OR5B21: variants seen among roughly 807,000 people sequenced by gnomAD.
OR5B21 encodes the protein olfactory receptor 5B21.
For synonymous variants in OR5B21, 151 were observed against 143.3 expected (o/e 1.05, Z -0.38); for missense variants, 372 against 375.7 (o/e 0.99, Z 0.08).
chr11:58,507,860 T>G lies in OR5B21; in HGVS notation c.246A>C (p.Ala82=), dbSNP rs1853072520. The part of the protein sequence containing the change: ...SSAVAPKTVA[A]LRSGDKAISY... ...AGATGGCCTTGTCCCCTGACCGCAATGCAGCCACCGTTTTGGGGGCTACAG... is the reference window on the plus strand; with the variant it reads ...AGATGGCCTTGTCCCCTGACCGCAAGGCAGCCACCGTTTTGGGGGCTACAG... Residue 82 remains alanine, a synonymous_variant, in exon 1 of 1, where the codon GCA becomes GCC. Transcript: ENST00000360374. 3 of 1,614,032 alleles carry G rather than the reference T, an allele frequency of 1.9e-6. No homozygotes were observed. The African/African-American group carries it at 4.0e-5, about 22-fold the overall frequency.
rs759443746 is a variant in OR5B21 at position 58,507,380 on chromosome 11, G to A, written c.726C>T (p.Leu242=). The change falls in exon 1 of 1, where the codon CTC becomes CTT. Residue 242 remains leucine, a synonymous_variant. Coordinates refer to ENST00000360374, the MANE Select transcript of OR5B21 (RefSeq NM_001005218.3). ...KKVFSTCASH[L]TALSIFYGTI... ...TGCCATAGAAGATGGACAAAGCAGT[G>A]AGATGGGAAGCACAGGTGGAGAAGA... is the stretch of plus-strand genomic sequence containing the variant. The A allele has an allele frequency of 3.0e-5, 49 of 1,614,036 alleles. No homozygotes were observed. Among genetic ancestry groups the A allele is most frequent in the Non-Finnish European group, 4.1e-5 (48 of 1,180,016 alleles).
At position 58,507,600 on chromosome 11, in the gene OR5B21, G is replaced by T. The variant is rs1408715851; in HGVS notation, c.506C>A (p.Ser169Tyr). The change falls in exon 1 of 1, where the codon TCT (serine) becomes TAT (tyrosine). Residue 169 changes from serine (S) to tyrosine (Y), a missense_variant. Ser to Tyr is a moderately radical substitution (Grantham distance 144). Transcript: ENST00000360374. ...ACAGAAGAAATGATTAATCTCATTAGAACCACAGAAGGAGAGTCTGAAGGT... is the reference window on the plus strand; with the variant it reads ...ACAGAAGAAATGATTAATCTCATTATAACCACAGAAGGAGAGTCTGAAGGT... Reference protein sequence around the residue: ...AGTFRLSFCGSNEINHFFCDI... With the variant: ...AGTFRLSFCGYNEINHFFCDI... The T allele has an allele frequency of 3.1e-6, 5 of 1,614,066 alleles. No individual in the cohort carries two copies. Among genetic ancestry groups the T allele is most frequent in the Non-Finnish European group, 4.2e-6 (5 of 1,180,044 alleles).
Position 58,507,297 on chromosome 11 carries a change from A to AT in OR5B21, c.808dup (p.Ile270AsnfsTer21), listed in dbSNP as rs1393111097. On this transcript the variant is annotated frameshift_variant, in exon 1 of 1. Transcript: ENST00000360374. LOFTEE classifies it low-confidence loss of function (END_TRUNC). ...CACCACTGTGTAAAACACAGAGGCT[A>AT]TTTTGTCTGTGTCCACGGACTGGCT... The AT allele has an allele frequency of 1.2e-6, 2 of 1,613,970 alleles. No homozygotes were observed. Among genetic ancestry groups the AT allele is most frequent in the Non-Finnish European group, 1.7e-6 (2 of 1,179,982 alleles).
In OR5B21 at chr11:58,507,240, A is replaced by C; in HGVS notation, c.866T>G (p.Leu289Arg). 2 of 1,614,022 alleles carry C rather than the reference A, an allele frequency of 1.2e-6. No individual in the cohort carries two copies. Among genetic ancestry groups the C allele is most frequent in the Non-Finnish European group, 1.7e-6 (2 of 1,179,928 alleles). ...AGCACTTTTCACTTCTTTGTTCCTA[A>C]GGCTGTATATCAAGGGATTCAGCAT... ...IPMLNPLIYS[L>R]RNKEVKSALW... is the part of the protein sequence containing the mutation. The change falls in exon 1 of 1, where the codon CTT becomes CGT. Residue 289 changes from leucine (L) to arginine (R), a missense_variant. Physicochemically the swap from Leu to Arg is moderately radical, Grantham distance 102. Transcript: ENST00000360374.
Position 58,507,632 on chromosome 11 carries a change from T to C in OR5B21, c.474A>G (p.Ala158=). The C allele has an allele frequency of 6.2e-7, 1 of 1,614,116 alleles. No individual in the cohort carries two copies. Among genetic ancestry groups the C allele is most frequent in the Non-Finnish European group, 8.5e-7 (1 of 1,180,012 alleles). The part of the protein sequence containing the change: ...VSGFLNASIH[A]AGTFRLSFCG... ...AGAAGGAGAGTCTGAAGGTGCCTGC[T>C]GCATGGATAGAGGCATTGAGGAAGC... The change falls in exon 1 of 1, where the codon GCA becomes GCG. Residue 158 remains alanine, a synonymous_variant. Coordinates refer to ENST00000360374, the MANE Select transcript of OR5B21 (RefSeq NM_001005218.3).
Position 58,507,917 on chromosome 11 carries a change from G to T in OR5B21, c.189C>A (p.Asn63Lys), listed in dbSNP as rs1489778089. 1 of 1,614,052 alleles carries T rather than the reference G, an allele frequency of 6.2e-7. No individual in the cohort carries two copies. The highest frequency in any genetic ancestry group is 1.3e-5 in the African/African-American group (1 of 74,922). ...LHTPMYFFLS[N>K]LSLVDLGYSS... is the part of the protein sequence containing the mutation. ...AGTAACCCAAGTCTACAAGGGAGAG[G>T]TTACTGAGGAAAAAGTACATTGGAG... Residue 63 changes from asparagine (N) to lysine (K), a missense_variant, in exon 1 of 1, where the codon AAC becomes AAA. Physicochemically the swap from Asn to Lys is moderately conservative, Grantham distance 94. Coordinates refer to ENST00000360374, the MANE Select transcript of OR5B21 (RefSeq NM_001005218.3).
chr11:58,507,860 T>C lies in OR5B21; in HGVS notation c.246A>G (p.Ala82=). The change falls in exon 1 of 1, where the codon GCA becomes GCG. Residue 82 remains alanine (A), a synonymous_variant. Transcript: ENST00000360374. Reference sequence around the variant, plus strand: ...AGATGGCCTTGTCCCCTGACCGCAATGCAGCCACCGTTTTGGGGGCTACAG... The same window carrying C: ...AGATGGCCTTGTCCCCTGACCGCAACGCAGCCACCGTTTTGGGGGCTACAG... The part of the protein sequence containing the change: ...SSAVAPKTVA[A]LRSGDKAISY... The C allele has an allele frequency of 6.2e-7, 1 of 1,614,150 alleles. No homozygotes were observed. The highest frequency in any genetic ancestry group is 8.5e-7 in the Non-Finnish European group (1 of 1,180,018).
Position 58,507,959 on chromosome 11 carries a change from T to C in OR5B21, c.147A>G (p.Ser49=). 3 of 1,614,078 alleles carry C rather than the reference T, an allele frequency of 1.9e-6. No individual in the cohort carries two copies. The highest frequency in any genetic ancestry group is 2.5e-6 in the Non-Finnish European group (3 of 1,179,976). ...ACATTGGAGTGTGGAGATGGGAGTCTGAGTGGATGATCACCATCATTCCCC... is the reference window on the plus strand; with the variant it reads ...ACATTGGAGTGTGGAGATGGGAGTCCGAGTGGATGATCACCATCATTCCCC... ...GNGGMMVIIH[S]DSHLHTPMYF... is the part of the protein sequence containing the mutation. Residue 49 remains serine (S), a synonymous_variant, in exon 1 of 1, where the codon TCA becomes TCG. Coordinates refer to ENST00000360374, the MANE Select transcript of OR5B21 (RefSeq NM_001005218.3).
rs1451482700 is a variant in OR5B21 at position 58,507,241 on chromosome 11, G to T, written c.865C>A (p.Leu289Ile). Reference sequence around the variant, plus strand: ...GCACTTTTCACTTCTTTGTTCCTAAGGCTGTATATCAAGGGATTCAGCATG... The same window carrying T: ...GCACTTTTCACTTCTTTGTTCCTAATGCTGTATATCAAGGGATTCAGCATG... The part of the protein sequence containing the change: ...IPMLNPLIYS[L>I]RNKEVKSALW... Residue 289 changes from leucine (L) to isoleucine (I), a missense_variant, in exon 1 of 1, where the codon CTT becomes ATT. Physicochemically the swap from Leu to Ile is conservative, Grantham distance 5. Coordinates refer to ENST00000360374, the MANE Select transcript of OR5B21 (RefSeq NM_001005218.3). The T allele has an allele frequency of 2.2e-5, 35 of 1,613,944 alleles. No homozygotes were observed. The highest frequency in any genetic ancestry group is 1.7e-4 in the Middle Eastern group (1 of 6,058).
rs750510381 is a variant in OR5B21 at position 58,507,216 on chromosome 11, G to C, written c.890C>G (p.Ala297Gly). The change falls in exon 1 of 1, where the codon GCT becomes GGT. Residue 297 changes from alanine (A) to glycine (G), a missense_variant. Physicochemically the swap from Ala to Gly is moderately conservative, Grantham distance 60 (BLOSUM62 0). Transcript: ENST00000360374. ...YSLRNKEVKS[A>G]LWKILNKLYP... ...AAGTTTGTTGAGTATTTTCCAGAGA[G>C]CACTTTTCACTTCTTTGTTCCTAAG... 6.2e-7 allele frequency: 1 copy of C among 1,611,440 alleles called. No individual in the cohort carries two copies. Among genetic ancestry groups the C allele is most frequent in the Admixed American group, 1.7e-5 (1 of 59,912 alleles).
rs1420292358 is a variant in OR5B21 at position 58,507,773 on chromosome 11, G to A, written c.333C>T (p.Tyr111=). The change falls in exon 1 of 1, where the codon TAC becomes TAT. Residue 111 remains tyrosine, a synonymous_variant. Coordinates refer to ENST00000360374, the MANE Select transcript of OR5B21 (RefSeq NM_001005218.3). ...GATCATAGGCCATGGAGGCCAGGAG[G>A]TAGCACTCAACAGTGGCAAACCCCA... ...FFVGFATVEC[Y]LLASMAYDRH... The A allele has an allele frequency of 6.2e-7, 1 of 1,614,116 alleles. No individual in the cohort carries two copies. The highest frequency in any genetic ancestry group is 1.7e-5 in the Admixed American group (1 of 59,982).
At position 58,507,841 on chromosome 11, in the gene OR5B21, C is replaced by T. The variant is rs765759424; in HGVS notation, c.265G>A (p.Ala89Thr). 2 of 1,614,044 alleles carry T rather than the reference C, an allele frequency of 1.2e-6. No individual in the cohort carries two copies. Among genetic ancestry groups the T allele is most frequent in the East Asian group, 2.2e-5 (1 of 44,876 alleles). ...TVAALRSGDKAISYDGCAAQF... is the reference protein window; with the variant it reads ...TVAALRSGDKTISYDGCAAQF... ...GCTGCACATCCATCGTAGGAGATGG[C>T]CTTGTCCCCTGACCGCAATGCAGCC... The change falls in exon 1 of 1, where the codon GCC (alanine) becomes ACC (threonine). Residue 89 changes from alanine (A) to threonine (T), a missense_variant. Ala to Thr is a moderately conservative substitution (Grantham distance 58, BLOSUM62 0). Coordinates refer to ENST00000360374, the MANE Select transcript of OR5B21 (RefSeq NM_001005218.3).
chr11:58,507,406 C>G lies in OR5B21; in HGVS notation c.700G>C (p.Val234Leu). The G allele has an allele frequency of 6.2e-7, 1 of 1,614,038 alleles. No homozygotes were observed. The highest frequency in any genetic ancestry group is 2.2e-5 in the East Asian group (1 of 44,886). ...RMHSAEGQKK[V>L]FSTCASHLTA... The stretch of plus-strand genomic sequence containing the variant: ...AGATGGGAAGCACAGGTGGAGAAGA[C>G]TTTCTTCTGCCCTTCAGCAGAATGC... The change falls in exon 1 of 1, where the codon GTC (valine) becomes CTC (leucine). Residue 234 changes from valine to leucine, a missense_variant. Coordinates refer to ENST00000360374, the MANE Select transcript of OR5B21 (RefSeq NM_001005218.3).
chr11:58,508,050 G>C lies in OR5B21; in HGVS notation c.56C>G (p.Pro19Arg). ...CAGGAGGAGGGGTATCTGAAGATTGGGGTCATCTGTTAATCCCAAGAGGAT... is the reference window on the plus strand; with the variant it reads ...CAGGAGGAGGGGTATCTGAAGATTGCGGTCATCTGTTAATCCCAAGAGGAT... Reference protein sequence around the residue: ...EFILLGLTDDPNLQIPLLLAF... With the variant: ...EFILLGLTDDRNLQIPLLLAF... Residue 19 changes from proline (P) to arginine (R), a missense_variant, in exon 1 of 1, where the codon CCC becomes CGC. Pro to Arg is a moderately radical substitution (Grantham distance 103). Coordinates refer to ENST00000360374, the MANE Select transcript of OR5B21 (RefSeq NM_001005218.3). 1 of 1,614,024 alleles carries C rather than the reference G, an allele frequency of 6.2e-7. No individual in the cohort carries two copies. The highest frequency in any genetic ancestry group is 1.3e-5 in the African/African-American group (1 of 75,014).
rs1244028263 is a variant in OR5B21, at chr11:58,507,044, T to G, written c.*132A>C. The G allele has an allele frequency of 2.6e-5, 17 of 649,634 alleles. No individual in the cohort carries two copies. Among genetic ancestry groups the G allele is most frequent in the East Asian group, 2.6e-4 (10 of 38,918 alleles). 40.2% of individuals were successfully genotyped at this position (649,634 alleles called of 1,614,324 possible). ...CTTTCAACGTGCTGCTTTTTACATC[T>G]TCTAATAGCAGAAGTAACCGCTGTT... is the stretch of plus-strand genomic sequence containing the variant. On this transcript the variant is annotated 3_prime_UTR_variant, in exon 1 of 1. Coordinates refer to ENST00000360374, the MANE Select transcript of OR5B21 (RefSeq NM_001005218.3).
At position 58,507,072 on chromosome 11, in the gene OR5B21, T is replaced by G; in HGVS notation, c.*104A>C. ...TAATAGCAGAAGTAACCGCTGTTCT[T>G]GGGGAAGAAAGAACTGAAACCAGTC... On this transcript the variant is annotated 3_prime_UTR_variant, in exon 1 of 1. Transcript: ENST00000360374. 1.3e-6 allele frequency: 1 copy of G among 784,344 alleles called. No homozygotes were observed. Among genetic ancestry groups the G allele is most frequent in the Admixed American group, 2.3e-5 (1 of 42,866 alleles). 48.6% of individuals were successfully genotyped at this position (784,344 alleles called of 1,614,324 possible).
chr11:58,508,073 G>A lies in OR5B21; in HGVS notation c.33C>T (p.Ile11=). The change falls in exon 1 of 1, where the codon ATC becomes ATT. Residue 11 remains isoleucine (I), a synonymous_variant. Transcript: ENST00000360374. Reference sequence around the variant, plus strand: ...TGGGGTCATCTGTTAATCCCAAGAGGATAAACTCTGTCACTTCTGTGCTAT... The same window carrying A: ...TGGGGTCATCTGTTAATCCCAAGAGAATAAACTCTGTCACTTCTGTGCTAT... MENSTEVTEF[I]LLGLTDDPNL... 1 of 1,613,866 alleles carries A rather than the reference G, an allele frequency of 6.2e-7. No homozygotes were observed. Among genetic ancestry groups the A allele is most frequent in the Middle Eastern group, 1.7e-4 (1 of 5,978 alleles).
Position 58,507,846 on chromosome 11 carries a change from T to G in OR5B21, c.260A>C (p.Asp87Ala). The G allele has an allele frequency of 6.2e-7, 1 of 1,614,068 alleles. No homozygotes were observed. Among genetic ancestry groups the G allele is most frequent in the Non-Finnish European group, 8.5e-7 (1 of 1,180,020 alleles). ...PKTVAALRSG[D>A]KAISYDGCAA... ...ACATCCATCGTAGGAGATGGCCTTG[T>G]CCCCTGACCGCAATGCAGCCACCGT... is the stretch of plus-strand genomic sequence containing the variant. Residue 87 changes from aspartate (D) to alanine (A), a missense_variant, in exon 1 of 1, where the codon GAC (aspartate) becomes GCC (alanine). Physicochemically the swap from Asp to Ala is moderately radical, Grantham distance 126. Coordinates refer to ENST00000360374, the MANE Select transcript of OR5B21 (RefSeq NM_001005218.3).
In OR5B21 at chr11:58,507,970, T is replaced by A; in HGVS notation, c.136A>T (p.Ile46Phe). Residue 46 changes from isoleucine to phenylalanine, a missense_variant, in exon 1 of 1, where the codon ATC becomes TTC. Ile to Phe is a conservative substitution (Grantham distance 21). Coordinates refer to ENST00000360374, the MANE Select transcript of OR5B21 (RefSeq NM_001005218.3). ...TLLGNGGMMVIIHSDSHLHTP... is the reference protein window; with the variant it reads ...TLLGNGGMMVFIHSDSHLHTP... ...TGGAGATGGGAGTCTGAGTGGATGATCACCATCATTCCCCCATTCCCAAGC... is the reference window on the plus strand; with the variant it reads ...TGGAGATGGGAGTCTGAGTGGATGAACACCATCATTCCCCCATTCCCAAGC... 1 of 1,614,036 alleles carries A rather than the reference T, an allele frequency of 6.2e-7. No individual in the cohort carries two copies.
Sources: allele counts gnomAD v4.1 joint callset, GRCh38; gene constraint gnomAD v4.1.1; transcripts MANE v1.5; gene names NCBI Gene and HGNC (gene_info 2026-07-23, HGNC 2026-07-21).